The following TTLL5 variants were observed in gnomAD, a reference collection of about 807,000 sequenced individuals.
The protein encoded by TTLL5 is tubulin tyrosine ligase like 5.
In TTLL5, 132 loss-of-function variants were observed where a neutral mutation model predicts 168.4. That is an observed-to-expected ratio of 0.78 (90% CI 0.68 to 0.91). The LOEUF (loss-of-function observed/expected upper bound fraction) is 0.91, where lower values mean the gene tolerates loss of function less well. Ranked by LOEUF, TTLL5 falls within the 40% of genes least tolerant of loss-of-function variation. The pLI is 0.00. For synonymous variants in TTLL5, 546 were observed against 558.6 expected (o/e 0.98, Z 0.32); for missense variants, 1,545 against 1,581.5 (o/e 0.98, Z 0.39).
intron 31 of TTLL5, among the ~76,000 whole-genome samples, chr14:75,914,570 A>G (rs1293839226): frequency 6.6e-6 from 1 of 150,568 alleles, no homozygotes; most frequent in Non-Finnish European, 1.5e-5. Context: ...TTCTTGCAAC[A>G]TTGTAAAACT....
chr14:75,797,123 G>C (rs1893036805), intron 27 of TTLL5, among the ~76,000 whole-genome samples: 1 of 152,110 alleles, frequency 6.6e-6, no homozygotes, highest in Non-Finnish European at 1.5e-5. Flanking sequence ...TTTCCTTGTA[G>C]AGGTCTTTCA....
intron 31 of TTLL5, among the ~76,000 whole-genome samples, chr14:75,949,342 C>T (rs1157361447): frequency 6.8e-6 from 1 of 147,962 alleles, no homozygotes; most frequent in Non-Finnish European, 1.5e-5. Context: ...CCAAGAGACG[C>T]TTTAAGAATA....
In TTLL5 at chr14:75,940,077, C is replaced by CTTTTTT. The variant is rs5809741; in HGVS notation, c.3824-14330_3824-14325dup. ...AGAGCTCCCTATAAAGAAATTAAAT[C>CTTTTTT]TTTTTTTTTTTTTTTTTTTTTTGAG... On this transcript the variant is annotated intron_variant, in intron 31 of 31. Coordinates refer to ENST00000298832, the MANE Select transcript of TTLL5 (RefSeq NM_015072.5). Among the ~76,000 whole-genome samples the CTTTTTT allele has an allele frequency of 4.2e-3, 332 of 78,818 alleles. 6 individuals carry two copies. The highest frequency in any genetic ancestry group is 0.016 in the African/African-American group (308 of 19,542). The allele number at this position is 78,818 out of a possible 152,430, so 51.7% of individuals were successfully genotyped here. A position where few individuals can be genotyped will look rare whatever the true frequency, so the allele number is the denominator to read the frequency against.
chr14:75,745,568 T>C lies in TTLL5; in HGVS notation c.1474T>C (p.Trp492Arg). The change falls in exon 17 of 32, where the codon TGG (tryptophan) becomes CGG (arginine). Residue 492 changes from tryptophan (W) to arginine (R), a missense_variant. By Grantham distance (101) the Trp-to-Arg change is moderately radical. Coordinates refer to ENST00000298832, the MANE Select transcript of TTLL5 (RefSeq NM_015072.5). The part of the protein sequence containing the change: ...FIRIFPTSET[W>R]EIYGSYLEHK... ...TCGCATATTTCCTACATCTGAGACA[T>C]GGGAAATATATGGGTGAGGTGACTA... The C allele has an allele frequency of 6.2e-7, 1 of 1,613,920 alleles. No homozygotes were observed. The highest frequency in any genetic ancestry group is 8.5e-7 in the Non-Finnish European group (1 of 1,179,912).
chr14:75,694,741 A>G (rs1885710574), intron 6 of TTLL5, among the ~76,000 whole-genome samples: 1 of 152,202 alleles, frequency 6.6e-6, no homozygotes, highest in Non-Finnish European at 1.5e-5. Flanking sequence ...CCCCAAATTA[A>G]TACTTTTATA....
intron 29 of TTLL5, among the ~76,000 whole-genome samples, chr14:75,870,071 C>T (rs776476972): frequency 4.6e-5 from 7 of 151,800 alleles, no homozygotes; most frequent in Non-Finnish European, 7.4e-5. Flanking sequence ...CACCCACCTT[C>T]GCCTCCAAAA....
intron 28 of TTLL5, chr14:75,837,165 G>A (rs1895913345): frequency 6.6e-6 from 1 of 152,298 alleles, no homozygotes; most frequent in Admixed American, 6.5e-5. Context: ...TGGGGCTAGA[G>A]GATCCACTTC....
chr14:75,773,957 AAGAG>A lies in TTLL5; in HGVS notation c.2137-1488_2137-1485del, dbSNP rs1166420551. ...AGAGAGAGAGAGAGAGAGAGAGAGAAAGAGAGAGAGAGAGAGAGAGAGAGAGAGA... is the reference window on the plus strand; with the variant it reads ...AGAGAGAGAGAGAGAGAGAGAGAGAAAGAGAGAGAGAGAGAGAGAGAGAGA... On this transcript the variant is annotated intron_variant, in intron 21 of 31. Transcript: ENST00000298832. 7.0e-3 allele frequency among the ~76,000 whole-genome samples: 305 copies of A among 43,278 alleles called. 2 individuals carry two copies. The highest frequency in any genetic ancestry group is 0.019 in the African/African-American group (232 of 12,282). The allele number at this position is 43,278 out of a possible 152,430, so 28.4% of individuals were successfully genotyped here. A position where few individuals can be genotyped will look rare whatever the true frequency, so the allele number is the denominator to read the frequency against.
rs1425957060 is a variant in TTLL5 at position 75,681,544 on chromosome 14, G to A, written c.182-1G>A. ...CTGAACTTGATTCTGTTTTTCTTTA[G>A]AACGTTATCATTTGTCTTATAAGAT... On this transcript the variant is annotated splice_acceptor_variant, in intron 3 of 31. Transcript: ENST00000298832. LOFTEE classifies it high-confidence loss of function. 6.2e-7 allele frequency: 1 copy of A among 1,612,118 alleles called. No homozygotes were observed. Among genetic ancestry groups the A allele is most frequent in the Non-Finnish European group, 8.5e-7 (1 of 1,179,432 alleles).
chr14:75,740,938 C>T (rs1438644708), intron 15 of TTLL5, among the ~76,000 whole-genome samples: 2 of 152,134 alleles, frequency 1.3e-5, no homozygotes, highest in African/African-American at 4.8e-5. Flanking sequence ...TTTTGCCCCT[C>T]AATTATGACA....
At chr14:75,888,183 G>C (rs1223794511) in intron 30 of TTLL5, among the ~76,000 whole-genome samples, 2 of 152,212 alleles carry the variant, frequency 1.3e-5, no homozygotes, top group Non-Finnish European at 2.9e-5. Flanking sequence ...CTCTGGGGTT[G>C]CTTTTGGCAT....
At chr14:75,906,628 A>G (rs1022132704) in intron 31 of TTLL5, 1 of 985,938 alleles carries the variant, frequency 1.0e-6, no homozygotes, top group Non-Finnish European at 1.2e-6. Flanking sequence ...CCCTTGCTAC[A>G]GTTATAGGAC....
At chr14:75,833,182 T>A (rs997817730) in intron 28 of TTLL5, among the ~76,000 whole-genome samples, 20 of 152,118 alleles carry the variant, frequency 1.3e-4, no homozygotes, top group African/African-American at 4.3e-4. Flanking sequence ...TCCCCTAGCC[T>A]CCTCCCTCTT....
In TTLL5 at chr14:75,745,426, T is replaced by G. The variant is rs867304285; in HGVS notation, c.1396-64T>G. 15 of 1,512,172 alleles carry G rather than the reference T, an allele frequency of 9.9e-6. No individual in the cohort carries two copies. The African/African-American group carries it at 1.4e-4, about 14-fold the overall frequency. The allele number at this position is 1,512,172 out of a possible 1,614,324, so 93.7% of individuals were successfully genotyped here. On this transcript the variant is annotated intron_variant, in intron 16 of 31. Transcript: ENST00000298832. ...CTTGGGTCATAACTATCTTCCTTTG[T>G]CCTATAGCCACATGGACTCCGGTTT...
intron 6 of TTLL5, 34 bp from the exon 7 acceptor site, chr14:75,699,154 T>G: frequency 6.4e-7 from 1 of 1,564,310 alleles, no homozygotes; most frequent in Non-Finnish European, 8.8e-7. Flanking sequence ...TTTCTTTGTT[T>G]CCTCTGTTTT....
chr14:75,791,180 A>C (rs1290821450), intron 26 of TTLL5, among the ~76,000 whole-genome samples: 1 of 151,830 alleles, frequency 6.6e-6, no homozygotes, highest in South Asian at 2.1e-4. Context: ...GTGACCCAAC[A>C]ATTCCACTCC....
At chr14:75,953,164 A>T (rs982877385) in intron 31 of TTLL5, among the ~76,000 whole-genome samples, 1 of 152,238 alleles carries the variant, frequency 6.6e-6, no homozygotes, top group Non-Finnish European at 1.5e-5. Context: ...CTCATTTCTA[A>T]TCAGGAAAGT....
At chr14:75,748,254 T>C (rs1037294233) in intron 17 of TTLL5, among the ~76,000 whole-genome samples, 1 of 151,384 alleles carries the variant, frequency 6.6e-6, no homozygotes, top group Non-Finnish European at 1.5e-5. Flanking sequence ...TCTATTGTTT[T>C]GTTTGAATCA....
At position 75,776,981 on chromosome 14, in the gene TTLL5, A is replaced by G; in HGVS notation, c.2387+131A>G. The G allele has an allele frequency of 5.7e-6, 4 of 701,668 alleles. No individual in the cohort carries two copies. The South Asian group carries it at 8.7e-5, about 15-fold the overall frequency. 43.5% of individuals were successfully genotyped at this position (701,668 alleles called of 1,614,324 possible). A position where few individuals can be genotyped will look rare whatever the true frequency, so the allele number is the denominator to read the frequency against. On this transcript the variant is annotated intron_variant, in intron 23 of 31. Coordinates refer to ENST00000298832, the MANE Select transcript of TTLL5 (RefSeq NM_015072.5). ...CACTCTTAAAGCCGGGCACAGTGGC[A>G]CACCCCTTTAGTTCTAGTTACTTGG...
Sources: allele counts gnomAD v4.1 joint callset (sites outside exome capture counted in the v4.1 genomes callset), GRCh38; gene constraint gnomAD v4.1.1; transcripts MANE v1.5; gene names NCBI Gene and HGNC (gene_info 2026-07-23, HGNC 2026-07-21).